The following KIF15 variants were observed in gnomAD, a reference collection of about 807,000 sequenced individuals.
KIF15 encodes the protein kinesin-like protein KIF15.
Under a neutral mutation model 190.6 loss-of-function variants are expected in KIF15, and 140 were observed. The observed-to-expected ratio is 0.73, with a 90% CI of 0.64 to 0.84. KIF15 has a LOEUF of 0.84. KIF15 is among the 40% of genes least tolerant of loss of function. KIF15 has a pLI of 0.00. For missense variants in KIF15, 1,372 were observed against 1,584.4 expected (o/e 0.87, Z 2.28); for synonymous variants, 528 against 551.3 (o/e 0.96, Z 0.59).
In KIF15 at chr3:44,862,148, TGCGGGCGG is replaced by T. The variant is rs575042744; in HGVS notation, c.*59+9364_*59+9371del. The T allele has an allele frequency of 3.2e-4, 39 of 123,522 alleles. 3 individuals carry two copies. The highest frequency in any genetic ancestry group is 4.3e-4 in the Non-Finnish European group (29 of 67,896). The allele number at this position is 123,522 out of a possible 1,614,324, so 7.7% of individuals were successfully genotyped here. The stretch of plus-strand genomic sequence containing the variant: ...CCCGGGGCGCTGTTGGTGCTGCTGC[TGCGGGCGG>T]GCGGGCGGGGCGCCGCTGGGCGGAG... On this transcript the variant is annotated intron_variant and NMD_transcript_variant, in intron 6 of 6. Coordinates refer to the KIF15 transcript ENST00000422209.
intron 10 of KIF15, among the ~76,000 whole-genome samples, chr3:44,798,411 G>A (rs982134829): frequency 2.0e-5 from 3 of 151,482 alleles, no homozygotes; most frequent in Non-Finnish European, 4.4e-5. Flanking sequence ...TGTCACCCAG[G>A]CTAGAGTGCA....
chr3:44,864,015 G>A lies in KIF15; in HGVS notation c.*60-9314G>A, dbSNP rs145274232. On this transcript the variant is annotated intron_variant and NMD_transcript_variant, in intron 6 of 6. Transcript: ENST00000422209. The stretch of plus-strand genomic sequence containing the variant: ...CTGAATTTGCTTTATTTGTAAGATG[G>A]GTCTGCTGCCCACTGAGGGTTAAGT... 2.8e-4 allele frequency: 170 copies of A among 607,748 alleles called. No individual in the cohort carries two copies. In the African/African-American group the frequency reaches 2.8e-3, roughly 10 times the overall value. The allele number at this position is 607,748 out of a possible 1,614,324, so 37.6% of individuals were successfully genotyped here. A position where few individuals can be genotyped will look rare whatever the true frequency, so the allele number is the denominator to read the frequency against.
intron 4 of KIF15, among the ~76,000 whole-genome samples, chr3:44,780,300 A>C (rs1489936151): frequency 6.6e-6 from 1 of 152,132 alleles, no homozygotes; most frequent in East Asian, 1.9e-4. Flanking sequence ...AGGAGAGATG[A>C]CATTGCACAA....
chr3:44,806,075 T>A, intron 16 of KIF15, 89 bp downstream of exon 16: 1 of 1,401,456 alleles, frequency 7.1e-7, no homozygotes, highest in South Asian at 1.4e-5. Context: ...TATCTCCAGA[T>A]GCAGATGACA....
chr3:44,829,916 A>T, intron 24 of KIF15, 55 bp from the exon 25 acceptor site: 1 of 965,774 alleles, frequency 1.0e-6, no homozygotes, highest in Admixed American at 3.0e-5. Flanking sequence ...CCATTTAAAA[A>T]TTTTCTTCTC....
intron 19 of KIF15, among the ~76,000 whole-genome samples, chr3:44,814,652 A>G (rs1575632138): frequency 6.6e-6 from 1 of 152,304 alleles, no homozygotes; most frequent in South Asian, 2.1e-4. Flanking sequence ...GGAGAAATCT[A>G]GCAAAGTCAA....
chr3:44,798,949 G>T (rs1222696431), intron 10 of KIF15, among the ~76,000 whole-genome samples: 2 of 152,190 alleles, frequency 1.3e-5, no homozygotes, highest in Non-Finnish European at 2.9e-5. Context: ...AGACCAACTG[G>T]CTGTAAATCA....
intron 3 of KIF15, 54 bp downstream of exon 3, chr3:44,775,491 C>G: frequency 7.4e-7 from 1 of 1,359,000 alleles, no homozygotes; most frequent in Non-Finnish European, 1.0e-6. Context: ...GAGTCTCACT[C>G]TGTCACCAGG....
At chr3:44,866,523 T>C (rs1016946076) in intron 6 of KIF15, among the ~76,000 whole-genome samples, 2 of 152,140 alleles carry the variant, frequency 1.3e-5, no homozygotes, top group African/African-American at 4.8e-5. Context: ...CCCTCTCAGC[T>C]CTCCTGAGTC....
chr3:44,867,918 A>G (rs928326818), intron 6 of KIF15, among the ~76,000 whole-genome samples: 19 of 152,204 alleles, frequency 1.2e-4, no homozygotes, highest in African/African-American at 4.6e-4. Flanking sequence ...GGAGCTGGCA[A>G]TTTGACATCC....
intron 32 of KIF15, 26 bp from the exon 33 acceptor site, chr3:44,851,761 T>C (rs753941393): frequency 8.9e-6 from 14 of 1,577,538 alleles, no homozygotes; most frequent in Non-Finnish European, 1.0e-5. Context: ...TTTCAAATAC[T>C]ATAAAGTGAT....
At chr3:44,768,714 ACTG>A (rs1705517940) in intron 1 of KIF15, among the ~76,000 whole-genome samples, 1 of 152,200 alleles carries the variant, frequency 6.6e-6, no homozygotes, top group African/African-American at 2.4e-5. Context: ...ACCAATCTTA[ACTG>A]CTTCCTGCTG....
In KIF15 at chr3:44,765,191, C is replaced by CT. The variant is rs202104165; in HGVS notation, c.19+3314dup. Among the ~76,000 whole-genome samples, 1,072 of 152,270 alleles carry CT rather than the reference C, an allele frequency of 7.0e-3. 10 individuals are homozygous for CT. Among genetic ancestry groups the CT allele is most frequent in the African/African-American group, 0.025 (1,022 of 41,536 alleles). On this transcript the variant is annotated intron_variant, in intron 1 of 34. Coordinates refer to ENST00000326047, the MANE Select transcript of KIF15 (RefSeq NM_020242.3). ...CGCTATTTGCTTATTAACTTTTCTT[C>CT]TTTTTTTATCAAGTAAACATTTTAC...
rs1172187462 is a variant in KIF15 at position 44,805,930 on chromosome 3, G to A, written c.1915G>A (p.Ala639Thr). The change falls in exon 16 of 35, where the codon GCC (alanine) becomes ACC (threonine). Residue 639 changes from alanine to threonine, a missense_variant. Ala to Thr is a moderately conservative substitution (Grantham distance 58, BLOSUM62 0). Transcript: ENST00000326047. ...TGAAAACCTTTTGGAAGCAACAAAA[G>A]CCTGCAAGCGGCAAGAAGTTTCTCA... ...NLENLLEATK[A>T]CKRQEVSQLN... 1 of 1,614,038 alleles carries A rather than the reference G, an allele frequency of 6.2e-7. No individual in the cohort carries two copies. The highest frequency in any genetic ancestry group is 2.2e-5 in the East Asian group (1 of 44,896).
chr3:44,773,136 TAA>T (rs58175574), intron 1 of KIF15, among the ~76,000 whole-genome samples: 3 of 142,724 alleles, frequency 2.1e-5, no homozygotes, highest in African/African-American at 2.6e-5. Context: ...TAAAACATCT[TAA>T]AAAAAAAAAA....
At chr3:44,820,334 T>C (rs537403164) in intron 20 of KIF15, among the ~76,000 whole-genome samples, 7 of 150,714 alleles carry the variant, frequency 4.6e-5, no homozygotes, top group African/African-American at 1.7e-4. Flanking sequence ...TTCTTTTTTT[T>C]TTCCTTTTTT....
At chr3:44,824,142 TG>T (rs1280599466) in intron 20 of KIF15, among the ~76,000 whole-genome samples, 2 of 152,248 alleles carry the variant, frequency 1.3e-5, no homozygotes, top group Non-Finnish European at 2.9e-5. Flanking sequence ...TTGGCCATCT[TG>T]CCTAATTCAC....
intron 32 of KIF15, among the ~76,000 whole-genome samples, chr3:44,849,687 T>G (rs1256579653): frequency 6.6e-6 from 1 of 152,120 alleles, no homozygotes; most frequent in Non-Finnish European, 1.5e-5. Context: ...GAAAATTTTT[T>G]TATTGATAAC....
At chr3:44,774,558 G>A in intron 2 of KIF15, 121 bp downstream of exon 2, 1 of 790,700 alleles carries the variant, frequency 1.3e-6, no homozygotes. Context: ...TCAACCAGCT[G>A]GAAATGTGGG....
Sources: allele counts gnomAD v4.1 joint callset (sites outside exome capture counted in the v4.1 genomes callset), GRCh38; gene constraint gnomAD v4.1.1; transcripts MANE v1.5; gene names NCBI Gene and HGNC (gene_info 2026-07-23, HGNC 2026-07-21).